Variants in IL7 observed in about 807,000 individuals in gnomAD.
The protein encoded by IL7 is interleukin-7.
IL7 carries 3 observed loss-of-function variants against 21.6 expected under a neutral mutation model. That is an observed-to-expected ratio of 0.14 (90% CI 0.06 to 0.36). The LOEUF is 0.36. Ranked by LOEUF, IL7 falls within the 10% of genes least tolerant of loss-of-function variation. The pLI is 1.00. For missense variants in IL7, 175 were observed against 200.2 expected, an observed-to-expected ratio of 0.87 and a Z score of 0.76; for synonymous variants, 62 against 68.1, an observed-to-expected ratio of 0.91 and a Z score of 0.44.
intron 3 of IL7, 71 bp from the exon 4 acceptor site, chr8:78,738,706 A>C: frequency 6.9e-7 from 1 of 1,446,830 alleles, no homozygotes; most frequent in Non-Finnish European, 9.4e-7. Context: ...TTTCTTAAGG[A>C]GCCTAGAGCT....
chr8:78,740,141 A>ATTAGAT, intron 2 of IL7, 59 bp from the exon 3 acceptor site: 1 of 956,924 alleles, frequency 1.0e-6, no homozygotes, highest in Non-Finnish European at 1.4e-6. Flanking sequence ...AATATCTTGT[A>ATTAGAT]ATTATAAAAA....
chr8:78,675,898 C>T lies in IL7; in HGVS notation n.480G>A, dbSNP rs146890626. ...CTGATTTTGTACCTTTATGGTTTTA[C>T]AGATCTGTAATTGTTCAATAATTCT... is the stretch of plus-strand genomic sequence containing the variant. On this transcript the variant is annotated non_coding_transcript_exon_variant, in exon 5 of 5. Transcript: ENST00000523959. 5.2e-5 allele frequency: 80 copies of T among 1,549,152 alleles called. No individual in the cohort carries two copies. In the East Asian group the frequency reaches 1.8e-3, roughly 34 times the overall value.
At chr8:78,802,515 C>G (rs141859265) in intron 1 of IL7, among the ~76,000 whole-genome samples, 10,789 of 151,640 alleles carry the variant, frequency 0.071, 537 homozygotes, top group Middle Eastern at 0.13. Context: ...ACTGCAACCT[C>G]AGCCTCCCAG....
At chr8:78,712,882 T>A (rs1193210574) in intron 3 of IL7, among the ~76,000 whole-genome samples, 1 of 152,136 alleles carries the variant, frequency 6.6e-6, no homozygotes, top group Non-Finnish European at 1.5e-5. Flanking sequence ...ACTACAACAG[T>A]CTGCTCAGTA....
intron 3 of IL7, among the ~76,000 whole-genome samples, chr8:78,708,940 A>G (rs1164486732): frequency 6.6e-6 from 1 of 152,180 alleles, no homozygotes; most frequent in African/African-American, 2.4e-5. Context: ...TGCTGGGATT[A>G]CAGGCATGAG....
intron 2 of IL7, among the ~76,000 whole-genome samples, chr8:78,797,076 A>G (rs896315393): frequency 1.3e-5 from 2 of 152,012 alleles, no homozygotes; most frequent in Non-Finnish European, 2.9e-5. Flanking sequence ...AGCAATAAGA[A>G]AAAATGAAAT....
intron 2 of IL7, among the ~76,000 whole-genome samples, chr8:78,791,234 C>G (rs1274202189): frequency 2.6e-5 from 4 of 152,168 alleles, no homozygotes; most frequent in African/African-American, 9.6e-5. Context: ...ATTGAACCAT[C>G]TGAAATTTTA....
intron 2 of IL7, among the ~76,000 whole-genome samples, chr8:78,769,977 G>A (rs1812896542): frequency 6.6e-6 from 1 of 152,234 alleles, no homozygotes; most frequent in Admixed American, 6.5e-5. Context: ...AAACTGGCTA[G>A]CCATATGTAG....
At chr8:78,792,288 A>G (rs547813256) in intron 2 of IL7, among the ~76,000 whole-genome samples, 69 of 152,316 alleles carry the variant, frequency 4.5e-4, no homozygotes, top group African/African-American at 1.5e-3. Flanking sequence ...AATTAACTCA[A>G]TATGAATCAA....
At chr8:78,689,558 A>AT (rs1810141516) in intron 3 of IL7, among the ~76,000 whole-genome samples, 1 of 151,908 alleles carries the variant, frequency 6.6e-6, no homozygotes, top group Non-Finnish European at 1.5e-5. Context: ...TTTCAAGCTA[A>AT]TTGTGTATAG....
chr8:78,731,678 T>C (rs906630165), downstream of IL7, among the ~76,000 whole-genome samples: 2 of 152,040 alleles, frequency 1.3e-5, no homozygotes, highest in Admixed American at 1.3e-4. Flanking sequence ...GATATACTTA[T>C]ACTCTCCCAA....
chr8:78,723,092 A>AATATATATATATATATATATATAT (rs71264200), intron 3 of IL7, among the ~76,000 whole-genome samples: 3 of 140,496 alleles, frequency 2.1e-5, no homozygotes, highest in Non-Finnish European at 3.1e-5. Context: ...TAGAAGTACA[A>AATATATATATATATATATATATAT]ATATATATAT....
chr8:78,689,150 G>A (rs1486012788), intron 3 of IL7: 1 of 1,187,840 alleles, frequency 8.4e-7, no homozygotes, highest in African/African-American at 1.6e-5. Context: ...TGACTGCATA[G>A]AAACTTAAGA....
chr8:78,744,327 G>T (rs2130708143), intron 2 of IL7, among the ~76,000 whole-genome samples: 1 of 152,134 alleles, frequency 6.6e-6, no homozygotes, highest in East Asian at 1.9e-4. Context: ...AATAAGGAGG[G>T]ATGGCTCAGG....
intron 2 of IL7, among the ~76,000 whole-genome samples, chr8:78,787,941 A>T (rs1813565230): frequency 6.6e-6 from 1 of 152,152 alleles, no homozygotes; most frequent in Non-Finnish European, 1.5e-5. Flanking sequence ...TTCCTTTTGG[A>T]GGCTCTGTGG....
chr8:78,798,559 A>C (rs891403969), intron 1 of IL7, among the ~76,000 whole-genome samples: 2 of 152,076 alleles, frequency 1.3e-5, no homozygotes, highest in Admixed American at 6.5e-5. Context: ...AAAGAGGTGC[A>C]CTACAGTTCG....
At chr8:78,775,958 T>C (rs1014081269) in intron 2 of IL7, among the ~76,000 whole-genome samples, 1 of 152,030 alleles carries the variant, frequency 6.6e-6, no homozygotes, top group African/African-American at 2.4e-5. Flanking sequence ...CCCTTATCCT[T>C]GGAGGATACT....
intron 2 of IL7, among the ~76,000 whole-genome samples, chr8:78,779,828 G>T (rs150982945): frequency 0.011 from 1,701 of 152,210 alleles, 17 homozygotes; most frequent in South Asian, 0.031. Flanking sequence ...GCTCCTCTTT[G>T]TACCTCTGGT....
chr8:78,690,893 G>C (rs2130510158), intron 3 of IL7, among the ~76,000 whole-genome samples: 1 of 151,902 alleles, frequency 6.6e-6, no homozygotes, highest in African/African-American at 2.4e-5. Flanking sequence ...GTTGTTTTTT[G>C]CTTGTTTAGA....
Sources: gnomAD v4.1 joint callset for allele counts (sites outside exome capture counted in the v4.1 genomes callset) on GRCh38, gnomAD v4.1.1 for gene constraint, MANE v1.5 for transcripts, NCBI Gene and HGNC (gene_info 2026-07-23, HGNC 2026-07-21) for gene names.